OPA1: variants seen among roughly 807,000 people sequenced by gnomAD.
OPA1 encodes the protein dynamin-like GTPase OPA1, mitochondrial.
Under a neutral mutation model 152.9 loss-of-function variants are expected in OPA1, and 59 were observed. The ratio of observed to expected loss-of-function variants is 0.39; its 90% CI spans 0.31 to 0.48. The LOEUF (loss-of-function observed/expected upper bound fraction) is 0.48. OPA1 is among the 20% of genes least tolerant of loss of function. OPA1 has a pLI of 0.96. For synonymous variants in OPA1, 400 were observed against 389.9 expected, an observed-to-expected ratio of 1.03 and a Z score of -0.31; for missense variants, 1,008 against 1,216.8, an observed-to-expected ratio of 0.83 and a Z score of 2.55.
intron 25 of OPA1, among the ~76,000 whole-genome samples, chr3:193,662,195 G>C (rs1458131012): frequency 1.3e-5 from 2 of 152,040 alleles, no homozygotes; most frequent in African/African-American, 4.8e-5. Flanking sequence ...AACTAGTGTA[G>C]GTAAGTTTTC....
intron 29 of OPA1, among the ~76,000 whole-genome samples, chr3:193,687,731 G>A (rs1001208074): frequency 6.6e-6 from 1 of 152,184 alleles, no homozygotes; most frequent in Non-Finnish European, 1.5e-5. Context: ...GGCACAGTTA[G>A]TATACAGACA....
At chr3:193,625,613 A>G (rs1250996626) in intron 6 of OPA1, among the ~76,000 whole-genome samples, 1 of 152,124 alleles carries the variant, frequency 6.6e-6, no homozygotes, top group Non-Finnish European at 1.5e-5. Flanking sequence ...GATGATGGAA[A>G]CCTGTTCCTA....
At chr3:193,631,706 T>A (rs1418713799) in intron 8 of OPA1, 41 bp downstream of exon 8, 1 of 1,536,570 alleles carries the variant, frequency 6.5e-7, no homozygotes, top group Non-Finnish European at 9.0e-7. Context: ...CTTTTAAAAA[T>A]TATATTCGAA....
At chr3:193,612,449 G>GT (rs1560323698) in intron 1 of OPA1, among the ~76,000 whole-genome samples, 1 of 151,884 alleles carries the variant, frequency 6.6e-6, no homozygotes, top group African/African-American at 2.4e-5. Context: ...TTTTCATTTG[G>GT]TTTTTGCAAA....
At chr3:193,634,480 C>T (rs1290734739) in intron 8 of OPA1, among the ~76,000 whole-genome samples, 1 of 151,826 alleles carries the variant, frequency 6.6e-6, no homozygotes, top group Non-Finnish European at 1.5e-5. Context: ...TGCAGTGGTG[C>T]AATCTTGGCT....
chr3:193,643,755 A>G (rs1490213391), intron 15 of OPA1, 128 bp downstream of exon 15: 11 of 940,702 alleles, frequency 1.2e-5, no homozygotes, highest in Non-Finnish European at 1.6e-5. Flanking sequence ...CTTCGTATTC[A>G]TTTTATTAGT....
chr3:193,686,610 CTTTT>C (rs1479792251), intron 29 of OPA1, among the ~76,000 whole-genome samples: 1 of 151,714 alleles, frequency 6.6e-6, no homozygotes, highest in Non-Finnish European at 1.5e-5. Context: ...ACCTTTTTTC[CTTTT>C]TTTGTTTCCC....
intron 29 of OPA1, among the ~76,000 whole-genome samples, chr3:193,679,947 G>A (rs142190747): frequency 2.0e-5 from 3 of 152,260 alleles, no homozygotes; most frequent in East Asian, 3.9e-4. Flanking sequence ...TTCTCACTCA[G>A]TTGTGATAAA....
rs1162270131 is a variant in OPA1 at position 193,617,766 on chromosome 3, T to TTTGCTGA, written c.557-15_557-9dup. 1 of 1,593,254 alleles carries TTTGCTGA rather than the reference T, an allele frequency of 6.3e-7. No individual in the cohort carries two copies. The highest frequency in any genetic ancestry group is 1.1e-5 in the South Asian group (1 of 90,640). On this transcript the variant is annotated splice_polypyrimidine_tract_variant and intron_variant, in intron 4 of 30. Transcript: ENST00000361510. ...TAAATTTTACATTTCTATTTCCCCTTTTGCTGATTTTTCACAGGTCACAAA... is the reference window on the plus strand; with the variant it reads ...TAAATTTTACATTTCTATTTCCCCTTTTGCTGATTGCTGATTTTTCACAGGTCACAAA...
At chr3:193,608,348 A>G (rs548353275) in intron 1 of OPA1, among the ~76,000 whole-genome samples, 1 of 152,272 alleles carries the variant, frequency 6.6e-6, no homozygotes, top group Non-Finnish European at 1.5e-5. Context: ...TTAGTGCTAT[A>G]AATTTCCCTC....
In OPA1 at chr3:193,631,673, T is replaced by C. The variant is rs1577210537; in HGVS notation, c.843+8T>C. 2 of 1,607,618 alleles carry C rather than the reference T, an allele frequency of 1.2e-6. No homozygotes were observed. The highest frequency in any genetic ancestry group is 1.3e-5 in the African/African-American group (1 of 74,900). On this transcript the variant is annotated splice_region_variant and intron_variant, in intron 8 of 30. Transcript: ENST00000361510. ...GAACTTCTGCACACTCAGGTAATCATGATGACTAAGAAAAACTAGGGACTT... is the reference window on the plus strand; with the variant it reads ...GAACTTCTGCACACTCAGGTAATCACGATGACTAAGAAAAACTAGGGACTT...
At chr3:193,606,602 T>C in intron 1 of OPA1, among the ~76,000 whole-genome samples, 1 of 152,244 alleles carries the variant, frequency 6.6e-6, no homozygotes, top group Non-Finnish European at 1.5e-5. Context: ...TAACTCATCA[T>C]TTTTTATGGC....
In OPA1 at chr3:193,677,291, CTTTTTTTT is replaced by C. The variant is rs752472474; in HGVS notation, c.2983+10022_2983+10029del. On this transcript the variant is annotated intron_variant, in intron 29 of 30. Coordinates refer to ENST00000361510, the MANE Select transcript of OPA1 (RefSeq NM_130837.3). ...TGCACAATTTTTTTTTCTTTTACTT[CTTTTTTTT>C]TTTTTTTTTTCTTTAGAAAGAGTGT... is the stretch of plus-strand genomic sequence containing the variant. Among the ~76,000 whole-genome samples, 8 of 125,450 alleles carry C rather than the reference CTTTTTTTT, an allele frequency of 6.4e-5. No individual in the cohort carries two copies. The East Asian group carries it at 1.2e-3, about 18-fold the overall frequency. 82.3% of individuals were successfully genotyped at this position (125,450 alleles called of 152,430 possible).
At chr3:193,656,458 G>A (rs1346869274) in intron 22 of OPA1, among the ~76,000 whole-genome samples, 1 of 152,090 alleles carries the variant, frequency 6.6e-6, no homozygotes, top group Non-Finnish European at 1.5e-5. Context: ...TCCTTTCACC[G>A]TTCAGATCAT....
chr3:193,596,356 C>CAA lies in OPA1; in HGVS notation c.32+2947_32+2948insAA, dbSNP rs1560301506. Among the ~76,000 whole-genome samples, 56 of 135,212 alleles carry CAA rather than the reference C, an allele frequency of 4.1e-4. No individual in the cohort carries two copies. The East Asian group carries it at 4.7e-3, about 11-fold the overall frequency. The allele number at this position is 135,212 out of a possible 152,430, so 88.7% of individuals were successfully genotyped here. On this transcript the variant is annotated intron_variant, in intron 1 of 30. Transcript: ENST00000361510. ...CTTTCCTTTTCTTTTCTTTTCTTTT[C>CAA]TTTTCTTAATTTTCTTTTCTTTTCT... is the stretch of plus-strand genomic sequence containing the variant.
At chr3:193,675,528 A>G (rs549529756) in intron 29 of OPA1, among the ~76,000 whole-genome samples, 1 of 151,688 alleles carries the variant, frequency 6.6e-6, no homozygotes, top group African/African-American at 2.4e-5. Context: ...CTTTTTATGC[A>G]CTTCTCTCAC....
chr3:193,605,803 A>G (rs1377507341), intron 1 of OPA1, among the ~76,000 whole-genome samples: 2 of 152,216 alleles, frequency 1.3e-5, no homozygotes, highest in Non-Finnish European at 2.9e-5. Flanking sequence ...CTCAGAGTTA[A>G]TTGGATGGGT....
At position 193,643,572 on chromosome 3, in the gene OPA1, C is replaced by G. The variant is rs1734101454; in HGVS notation, c.1422C>G (p.Phe474Leu). ...CTCCTGACACAAAGGAAACTATTTT[C>G]AGTATCAGCAAAGCTTACATGCAGA... ...GMAPDTKETI[F>L]SISKAYMQNP... Residue 474 changes from phenylalanine to leucine, a missense_variant, in exon 15 of 31, where the codon TTC (phenylalanine) becomes TTG (leucine). Physicochemically the swap from Phe to Leu is conservative, Grantham distance 22. Transcript: ENST00000361510. 2 of 1,613,706 alleles carry G rather than the reference C, an allele frequency of 1.2e-6. No individual in the cohort carries two copies. Among genetic ancestry groups the G allele is most frequent in the African/African-American group, 2.7e-5 (2 of 74,910 alleles).
At chr3:193,693,360 G>A (rs1392426925) in intron 30 of OPA1, among the ~76,000 whole-genome samples, 1 of 152,162 alleles carries the variant, frequency 6.6e-6, no homozygotes, top group Non-Finnish European at 1.5e-5. Context: ...GTTAAGACAG[G>A]CCAGTGCGGT....
Sources: gnomAD v4.1 joint callset for allele counts (sites outside exome capture counted in the v4.1 genomes callset) on GRCh38, gnomAD v4.1.1 for gene constraint, MANE v1.5 for transcripts, NCBI Gene and HGNC (gene_info 2026-07-23, HGNC 2026-07-21) for gene names.